The following OSR2 variants were observed in gnomAD, a reference collection of about 807,000 sequenced individuals.
OSR2 encodes odd-skipped related transciption factor 2.
Under a neutral mutation model 22.3 loss-of-function variants are expected in OSR2, and 8 were observed. That is an observed-to-expected ratio of 0.36 (90% CI 0.21 to 0.65). The LOEUF is 0.65. Ranked by LOEUF, OSR2 falls within the 30% of genes least tolerant of loss-of-function variation. The probability of loss-of-function intolerance (pLI) is 0.66; values close to 1 mark genes in which losing one functional copy is unlikely to be tolerated. For missense variants in OSR2, 311 were observed against 413.4 expected (o/e 0.75, Z 2.15); for synonymous variants, 179 against 173.8 (o/e 1.03, Z -0.23).
Position 98,948,711 on chromosome 8 carries a change from T to G in OSR2, c.-114-128T>G. The G allele has an allele frequency of 8.2e-7, 1 of 1,221,536 alleles. No individual in the cohort carries two copies. Among genetic ancestry groups the G allele is most frequent in the African/African-American group, 1.5e-5 (1 of 65,292 alleles). The allele number at this position is 1,221,536 out of a possible 1,614,324, so 75.7% of individuals were successfully genotyped here. A position where few individuals can be genotyped will look rare whatever the true frequency, so the allele number is the denominator to read the frequency against. ...GGTGCCACGCAGTCCCCTCACGGCT[T>G]TCGGGGGGTCTTGGAGTCGGGTGGG... On this transcript the variant is annotated intron_variant, in intron 1 of 3. Transcript: ENST00000297565. This position sits in a 1 kb window ranked among gnomAD's most constrained non-coding sequence, Gnocchi z 6.0.
chr8:98,949,118 C>T lies in OSR2; in HGVS notation c.166C>T (p.Leu56=). 6.2e-7 allele frequency: 1 copy of T among 1,613,826 alleles called. No individual in the cohort carries two copies. Among genetic ancestry groups the T allele is most frequent in the Non-Finnish European group, 8.5e-7 (1 of 1,179,840 alleles). Residue 56 remains leucine, a synonymous_variant, in exon 2 of 4, where the codon CTG becomes TTG. Transcript: ENST00000297565. This position sits in a 1 kb window ranked among gnomAD's most constrained non-coding sequence, Gnocchi z 5.9. Reference sequence around the variant, plus strand: ...GACCATGCACATGAACCACTGGACGCTGGGGTATCCCAATGTGCACGAGAT... The same window carrying T: ...GACCATGCACATGAACCACTGGACGTTGGGGTATCCCAATGTGCACGAGAT... ...VQTMHMNHWT[L]GYPNVHEITR... is the part of the protein sequence containing the mutation.
rs1315955420 is a variant in OSR2, at chr8:98,949,378, A to T, written c.426A>T (p.Gly142=). 3 of 1,613,404 alleles carry T rather than the reference A, an allele frequency of 1.9e-6. No individual in the cohort carries two copies. The highest frequency in any genetic ancestry group is 1.3e-5 in the African/African-American group (1 of 75,056). ...KMGDLSKLSP[G]LGSPISGLSK... is the part of the protein sequence containing the mutation. ...GAGACCTGAGCAAGCTGAGCCCAGG[A>T]CTGGGTAGCCCCATCTCGGGCCTCA... Residue 142 remains glycine, a synonymous_variant, in exon 2 of 4, where the codon GGA becomes GGT. Transcript: ENST00000297565. This position sits in a 1 kb window ranked among gnomAD's most constrained non-coding sequence, Gnocchi z 5.9.
intron 2 of OSR2, 113 bp from the exon 3 acceptor site, chr8:98,950,543 A>G (rs548536846): frequency 1.5e-6 from 1 of 684,870 alleles, no homozygotes; most frequent in South Asian, 2.0e-5. Context: ...TAAAAACGTA[A>G]ATGGAAATCT....
rs184694856 is a variant in OSR2, at chr8:98,948,348, G to A, written c.-114-491G>A. 3.5e-4 allele frequency: 538 copies of A among 1,521,060 alleles called. 3 individuals carry two copies. The highest frequency in any genetic ancestry group is 3.1e-5 in the Non-Finnish European group (35 of 1,137,988). 94.2% of individuals were successfully genotyped at this position (1,521,060 alleles called of 1,614,324 possible). A position where few individuals can be genotyped will look rare whatever the true frequency, so the allele number is the denominator to read the frequency against. On this transcript the variant is annotated intron_variant, in intron 1 of 3. Coordinates refer to ENST00000297565, the MANE Select transcript of OSR2 (RefSeq NM_001142462.3). This position sits in a 1 kb window ranked among gnomAD's most constrained non-coding sequence, Gnocchi z 6.0. ...GGCGGCCACAGGGCGCGGCGGCAGC[G>A]CAGCGCGTGGGATCTCACGACCCAT...
intron 1 of OSR2, among the ~76,000 whole-genome samples, chr8:98,947,039 T>C (rs1840629664): frequency 2.0e-5 from 3 of 152,006 alleles, no homozygotes; most frequent in Admixed American, 6.6e-5. Flanking sequence ...AGAATCCTTT[T>C]CCCCTGCCTC....
At position 98,948,295 on chromosome 8, in the gene OSR2, G is replaced by A. The variant is rs1441243181; in HGVS notation, c.-114-544G>A. On this transcript the variant is annotated intron_variant, in intron 1 of 3. Coordinates refer to ENST00000297565, the MANE Select transcript of OSR2 (RefSeq NM_001142462.3). The surrounding 1 kb of genome is among the most constrained non-coding windows in gnomAD (Gnocchi z 6.0). ...CGCGCCGGCTTCGCTCTTGCACGCC[G>A]GCTTGCCATCCGGGTAAGCGCGGGA... 2.0e-5 allele frequency: 30 copies of A among 1,523,098 alleles called. No homozygotes were observed. The highest frequency in any genetic ancestry group is 2.5e-5 in the Non-Finnish European group (28 of 1,139,652). 94.3% of individuals were successfully genotyped at this position (1,523,098 alleles called of 1,614,324 possible).
intron 3 of OSR2, 22 bp downstream of exon 3, chr8:98,950,777 A>T: frequency 4.7e-6 from 7 of 1,505,370 alleles, no homozygotes; most frequent in East Asian, 4.5e-5. Context: ...TTCTTGTTTA[A>T]AAACAGTGGC....
At position 98,948,479 on chromosome 8, in the gene OSR2, T is replaced by C; in HGVS notation, c.-114-360T>C. On this transcript the variant is annotated intron_variant, in intron 1 of 3. Coordinates refer to ENST00000297565, the MANE Select transcript of OSR2 (RefSeq NM_001142462.3). This position sits in a 1 kb window ranked among gnomAD's most constrained non-coding sequence, Gnocchi z 6.0. ...GTTGACTGAGCTTCGCCTAACAGGC[T>C]TGGGGAGGGTGGGCTGGGCTGGGCT... 1 of 224,792 alleles carries C rather than the reference T, an allele frequency of 4.4e-6. No individual in the cohort carries two copies. The highest frequency in any genetic ancestry group is 7.4e-6 in the Non-Finnish European group (1 of 134,900). 13.9% of individuals were successfully genotyped at this position (224,792 alleles called of 1,614,324 possible). A position where few individuals can be genotyped will look rare whatever the true frequency, so the allele number is the denominator to read the frequency against.
intron 1 of OSR2, among the ~76,000 whole-genome samples, chr8:98,945,511 G>A (rs1840582823): frequency 6.6e-6 from 1 of 152,218 alleles, no homozygotes; most frequent in Non-Finnish European, 1.5e-5. Flanking sequence ...AAGGGGGCTG[G>A]CGTTTCCCGA....
In OSR2 at chr8:98,951,904, C is replaced by A. The variant is rs1840795888; in HGVS notation, c.*203C>A. The stretch of plus-strand genomic sequence containing the variant: ...AGCCACACACTACTACATCCCTTCA[C>A]AAAGAGTATATGCTAGTTTCTTGTA... On this transcript the variant is annotated 3_prime_UTR_variant, in exon 4 of 4. Transcript: ENST00000297565. 1.8e-6 allele frequency: 1 copy of A among 561,078 alleles called. No individual in the cohort carries two copies. The highest frequency in any genetic ancestry group is 3.2e-6 in the Non-Finnish European group (1 of 315,162). The allele number at this position is 561,078 out of a possible 1,614,324, so 34.8% of individuals were successfully genotyped here.
At position 98,948,182 on chromosome 8, in the gene OSR2, A is replaced by AG. The variant is rs1024798484; in HGVS notation, c.-114-654dup. ...CCGTCACCGCTGATAGATGGGGCTG[A>AG]GGGCAGAGGAAGGAAAAAGAAAACC... On this transcript the variant is annotated intron_variant, in intron 1 of 3. Coordinates refer to ENST00000297565, the MANE Select transcript of OSR2 (RefSeq NM_001142462.3). The surrounding 1 kb of genome is among the most constrained non-coding windows in gnomAD (Gnocchi z 6.0). The AG allele has an allele frequency of 2.9e-6, 4 of 1,403,464 alleles. No homozygotes were observed. In the African/African-American group the frequency reaches 5.9e-5, roughly 21 times the overall value. 86.9% of individuals were successfully genotyped at this position (1,403,464 alleles called of 1,614,324 possible).
At position 98,948,748 on chromosome 8, in the gene OSR2, A is replaced by G; in HGVS notation, c.-114-91A>G. ...TGGAGTCGGGTGGGGAGGGAGACTT[A>G]GGTGTGGTAACCTGCGCAGGTGCCA... On this transcript the variant is annotated intron_variant, in intron 1 of 3. Coordinates refer to ENST00000297565, the MANE Select transcript of OSR2 (RefSeq NM_001142462.3). This position sits in a 1 kb window ranked among gnomAD's most constrained non-coding sequence, Gnocchi z 6.0. The G allele has an allele frequency of 7.2e-7, 1 of 1,383,960 alleles. No individual in the cohort carries two copies. The highest frequency in any genetic ancestry group is 9.6e-7 in the Non-Finnish European group (1 of 1,044,522). 85.7% of individuals were successfully genotyped at this position (1,383,960 alleles called of 1,614,324 possible). A position where few individuals can be genotyped will look rare whatever the true frequency, so the allele number is the denominator to read the frequency against.
Position 98,948,436 on chromosome 8 carries a change from G to C in OSR2, c.-114-403G>C. 8.5e-7 allele frequency: 1 copy of C among 1,176,968 alleles called. No individual in the cohort carries two copies. The highest frequency in any genetic ancestry group is 1.1e-6 in the Non-Finnish European group (1 of 942,932). The allele number at this position is 1,176,968 out of a possible 1,614,324, so 72.9% of individuals were successfully genotyped here. On this transcript the variant is annotated intron_variant, in intron 1 of 3. Coordinates refer to ENST00000297565, the MANE Select transcript of OSR2 (RefSeq NM_001142462.3). This position sits in a 1 kb window ranked among gnomAD's most constrained non-coding sequence, Gnocchi z 6.0. ...CGGCGACAGAGGTTCGCCCCGGCCT[G>C]CTAGCATTGGCATTGCGGTTGACTG...
intron 1 of OSR2, among the ~76,000 whole-genome samples, chr8:98,946,997 A>G (rs139540355): frequency 1.3e-5 from 2 of 152,108 alleles, no homozygotes; most frequent in Non-Finnish European, 2.9e-5. Flanking sequence ...ATTGAAAGGG[A>G]AATAATCAGG....
At position 98,951,779 on chromosome 8, in the gene OSR2, C is replaced by A. The variant is rs2132094543; in HGVS notation, c.*78C>A. The A allele has an allele frequency of 1.4e-6, 2 of 1,434,222 alleles. No homozygotes were observed. Among genetic ancestry groups the A allele is most frequent in the East Asian group, 2.5e-5 (1 of 40,322 alleles). The allele number at this position is 1,434,222 out of a possible 1,614,324, so 88.8% of individuals were successfully genotyped here. A position where few individuals can be genotyped will look rare whatever the true frequency, so the allele number is the denominator to read the frequency against. On this transcript the variant is annotated 3_prime_UTR_variant, in exon 4 of 4. Transcript: ENST00000297565. Reference sequence around the variant, plus strand: ...TCCACGTCTCCTACCCAGGGGGTCGCATCCCTAGCCCTTCACTGACCCCAG... The same window carrying A: ...TCCACGTCTCCTACCCAGGGGGTCGAATCCCTAGCCCTTCACTGACCCCAG...
rs765672000 is a variant in OSR2, at chr8:98,949,289, C to A, written c.337C>A (p.Arg113=). Residue 113 remains arginine, a synonymous_variant, in exon 2 of 4, where the codon CGG becomes AGG. Transcript: ENST00000297565. The surrounding 1 kb of genome is among the most constrained non-coding windows in gnomAD (Gnocchi z 5.9). ...CGTCCTCCCAGCCCTGCACAAGGAC[C>A]GGCCCCGTTTTGACTTTGCCAATTT... ...AHVLPALHKD[R]PRFDFANLAV... 23 of 1,613,402 alleles carry A rather than the reference C, an allele frequency of 1.4e-5. No individual in the cohort carries two copies. The Admixed American group carries it at 3.8e-4, about 27-fold the overall frequency.
chr8:98,949,960 A>C lies in OSR2; in HGVS notation c.656+352A>C, dbSNP rs965901764. ...TGCCGGTCCTGGCTGCAGTCGGGCTACTTCTGTTGGGTTTCGTCCCTCCCC... is the reference window on the plus strand; with the variant it reads ...TGCCGGTCCTGGCTGCAGTCGGGCTCCTTCTGTTGGGTTTCGTCCCTCCCC... On this transcript the variant is annotated intron_variant, in intron 2 of 3. Coordinates refer to ENST00000297565, the MANE Select transcript of OSR2 (RefSeq NM_001142462.3). This position sits in a 1 kb window ranked among gnomAD's most constrained non-coding sequence, Gnocchi z 5.9. 2.2e-4 allele frequency among the ~76,000 whole-genome samples: 34 copies of C among 151,866 alleles called. No homozygotes were observed. Among genetic ancestry groups the C allele is most frequent in the Admixed American group, 1.7e-3 (26 of 15,272 alleles).
Position 98,949,171 on chromosome 8 carries a change from G to A in OSR2, c.219G>A (p.Ala73=), listed in dbSNP as rs970837176. Residue 73 remains alanine (A), a synonymous_variant, in exon 2 of 4, where the codon GCG becomes GCA. Transcript: ENST00000297565. The surrounding 1 kb of genome is among the most constrained non-coding windows in gnomAD (Gnocchi z 5.9). ...CCCGCTCCACCATCACGGAGATGGC[G>A]GCGGCGCAGGGCCTCGTGGACGCGC... ...EITRSTITEM[A]AAQGLVDARF... 3 of 1,602,974 alleles carry A rather than the reference G, an allele frequency of 1.9e-6. No individual in the cohort carries two copies. The highest frequency in any genetic ancestry group is 4.5e-5 in the East Asian group (2 of 44,790).
chr8:98,948,022 C>T lies in OSR2; in HGVS notation c.-114-817C>T, dbSNP rs1840661033. On this transcript the variant is annotated intron_variant, in intron 1 of 3. Coordinates refer to ENST00000297565, the MANE Select transcript of OSR2 (RefSeq NM_001142462.3). This position sits in a 1 kb window ranked among gnomAD's most constrained non-coding sequence, Gnocchi z 6.0. ...TGGCCTCAGGGACGTTCTCCGCCCC[C>T]ACCCCACCCCCTGGGAGCCTGAACC... 3.2e-6 allele frequency: 3 copies of T among 945,366 alleles called. No homozygotes were observed. The highest frequency in any genetic ancestry group is 2.8e-6 in the Non-Finnish European group (2 of 714,808). The allele number at this position is 945,366 out of a possible 1,614,324, so 58.6% of individuals were successfully genotyped here.
Sources: allele counts gnomAD v4.1 joint callset (sites outside exome capture counted in the v4.1 genomes callset), GRCh38; gene constraint gnomAD v4.1.1; non-coding constraint Gnocchi (gnomAD v3.1); transcripts MANE v1.5; gene names NCBI Gene and HGNC (gene_info 2026-07-23, HGNC 2026-07-21).